FRAS1: variants seen among roughly 807,000 people sequenced by gnomAD.
FRAS1 encodes the protein Fraser extracellular matrix complex subunit 1.
In FRAS1, 290 loss-of-function variants were observed where a neutral mutation model predicts 435.2. The observed-to-expected ratio is 0.67, with a 90% confidence interval of 0.61 to 0.73. The LOEUF (loss-of-function observed/expected upper bound fraction) is 0.73, where lower values mean the gene tolerates loss of function less well. Among genes scored for constraint, FRAS1 ranks in the 30% least tolerant of loss-of-function variants. The pLI is 0.00. For missense variants in FRAS1, 4,860 were observed against 5,001.5 expected (o/e 0.97, Z 0.85); for synonymous variants, 1,800 against 1,851.0 (o/e 0.97, Z 0.71).
chr4:78,493,814 A>T (rs1264714540), intron 59 of FRAS1, among the ~76,000 whole-genome samples: 2 of 152,144 alleles, frequency 1.3e-5, no homozygotes, highest in Non-Finnish European at 2.9e-5. Flanking sequence ...ATAATAATAA[A>T]AAAAAGAAAC....
intron 2 of FRAS1, among the ~76,000 whole-genome samples, chr4:78,184,997 C>G (rs1234953283): frequency 1.3e-5 from 2 of 152,204 alleles, no homozygotes; most frequent in Non-Finnish European, 2.9e-5. Flanking sequence ...TTTCAGCAAA[C>G]AGATGTCATA....
At chr4:78,468,735 C>A (rs1314331066) in intron 50 of FRAS1, among the ~76,000 whole-genome samples, 1 of 152,160 alleles carries the variant, frequency 6.6e-6, no homozygotes, top group East Asian at 1.9e-4. Flanking sequence ...GGAAAAACTT[C>A]AATTCTGGTG....
At chr4:78,383,831 T>C (rs988809160) in intron 27 of FRAS1, among the ~76,000 whole-genome samples, 5 of 152,214 alleles carry the variant, frequency 3.3e-5, no homozygotes, top group African/African-American at 9.6e-5. Flanking sequence ...TACATAATTA[T>C]TATTATTGTT....
chr4:78,525,340 C>T (rs1219003952), intron 69 of FRAS1, among the ~76,000 whole-genome samples: 2 of 152,162 alleles, frequency 1.3e-5, no homozygotes, highest in African/African-American at 4.8e-5. Flanking sequence ...TCCTGCTGAT[C>T]CAAGCTTTGA....
Position 78,472,323 on chromosome 4 carries a change from C to G in FRAS1, c.7515C>G (p.Phe2505Leu). ...AGCCTGGCAGAGCTGCTGCCACTTT[C>G]ACCCAGGGTGGGGACTCTCTGGGAA... ...KLQPGRAAAT[F>L]TQEDVNLGLI... Residue 2505 changes from phenylalanine (F) to leucine (L), a missense_variant, in exon 52 of 74, where the codon TTC becomes TTG. By Grantham distance (22) the Phe-to-Leu change is conservative (BLOSUM62 0). Coordinates refer to ENST00000512123, the MANE Select transcript of FRAS1 (RefSeq NM_025074.7). 1 of 1,606,098 alleles carries G rather than the reference C, an allele frequency of 6.2e-7. No individual in the cohort carries two copies. Among genetic ancestry groups the G allele is most frequent in the South Asian group, 1.1e-5 (1 of 90,106 alleles).
chr4:78,539,381 G>A lies in FRAS1; in HGVS notation c.11386G>A (p.Val3796Met), dbSNP rs1489107640. 3 of 1,612,356 alleles carry A rather than the reference G, an allele frequency of 1.9e-6. No individual in the cohort carries two copies. The highest frequency in any genetic ancestry group is 2.5e-6 in the Non-Finnish European group (3 of 1,179,272). Reference protein sequence around the residue: ...HFASELPDFHVVSNMPGVDGF... With the variant: ...HFASELPDFHMVSNMPGVDGF... ...TGCCTCTGAGTTGCCTGATTTCCAT[G>A]TGGTCAGTAACATGCCAGGTGTGGA... is the stretch of plus-strand genomic sequence containing the variant. Residue 3796 changes from valine (V) to methionine (M), a missense_variant, in exon 73 of 74, where the codon GTG becomes ATG. Val to Met is a conservative substitution (Grantham distance 21). Transcript: ENST00000512123.
chr4:78,324,274 A>T (rs1490413778), intron 18 of FRAS1, among the ~76,000 whole-genome samples: 1 of 152,224 alleles, frequency 6.6e-6, no homozygotes, highest in Non-Finnish European at 1.5e-5. Flanking sequence ...AAAATGAATA[A>T]TTTTTATAGT....
intron 5 of FRAS1, 121 bp downstream of exon 5, chr4:78,252,672 C>A: frequency 1.0e-6 from 1 of 983,980 alleles, no homozygotes; most frequent in South Asian, 1.6e-5. Flanking sequence ...GTTGGCTGGT[C>A]TGAGAAATAG....
Position 78,371,100 on chromosome 4 carries a change from T to C in FRAS1, c.2869+1116T>C, listed in dbSNP as rs746665000. The stretch of plus-strand genomic sequence containing the variant: ...TTTTTTCTGTTTTTTTGTTTTTTTT[T>C]TTTTTTGCCTTCTAACCAGTAGCTG... On this transcript the variant is annotated intron_variant, in intron 23 of 73. Coordinates refer to ENST00000512123, the MANE Select transcript of FRAS1 (RefSeq NM_025074.7). Among the ~76,000 whole-genome samples the C allele has an allele frequency of 9.9e-5, 15 of 151,152 alleles. No homozygotes were observed. In the South Asian group the frequency reaches 2.7e-3, roughly 27 times the overall value.
chr4:78,541,976 A>G lies in FRAS1; in HGVS notation c.*852A>G, dbSNP rs767831357. The G allele has an allele frequency of 3.3e-5, 5 of 152,256 alleles. No homozygotes were observed. Among genetic ancestry groups the G allele is most frequent in the Admixed American group, 1.3e-4 (2 of 15,286 alleles). The allele number at this position is 152,256 out of a possible 1,614,324, so 9.4% of individuals were successfully genotyped here. On this transcript the variant is annotated 3_prime_UTR_variant, in exon 74 of 74. Coordinates refer to ENST00000512123, the MANE Select transcript of FRAS1 (RefSeq NM_025074.7). ...TACGGCCTTTTAATTCAACATTGCC[A>G]TAAATGCTTTAAAGAAAACCCACCA...
chr4:78,266,116 A>G (rs1369788470), intron 7 of FRAS1, among the ~76,000 whole-genome samples: 2 of 152,214 alleles, frequency 1.3e-5, no homozygotes, highest in East Asian at 1.9e-4. Flanking sequence ...AAATGCTAAC[A>G]TTAATTATGT....
At chr4:78,163,741 A>G (rs1213924676) in intron 2 of FRAS1, among the ~76,000 whole-genome samples, 1 of 152,240 alleles carries the variant, frequency 6.6e-6, no homozygotes, top group African/African-American at 2.4e-5. Context: ...AACGTGACAT[A>G]TGACTTCCTT....
intron 2 of FRAS1, among the ~76,000 whole-genome samples, chr4:78,179,823 C>A (rs568484733): frequency 2.6e-5 from 4 of 152,060 alleles, no homozygotes; most frequent in Non-Finnish European, 4.4e-5. Flanking sequence ...TAGGAGCTAC[C>A]CAGGGAAATG....
chr4:78,135,742 G>T (rs930804718), intron 2 of FRAS1, among the ~76,000 whole-genome samples: 2 of 152,124 alleles, frequency 1.3e-5, no homozygotes, highest in Non-Finnish European at 2.9e-5. Flanking sequence ...ACATGGTTGG[G>T]CAGATTGTAC....
chr4:78,374,225 C>T lies in FRAS1; in HGVS notation c.3125C>T (p.Ala1042Val). Residue 1042 changes from alanine to valine, a missense_variant, in exon 25 of 74, where the codon GCA becomes GTA. Ala to Val is a moderately conservative substitution (Grantham distance 64, BLOSUM62 0). Transcript: ENST00000512123. ...CAGGAATGTGGGAAGGGGTACTTTG[C>T]AGATCATGCAAAGCACAAATGCACA... Reference protein sequence around the residue: ...CVQECGKGYFADHAKHKCTAC... With the variant: ...CVQECGKGYFVDHAKHKCTAC... 6.3e-7 allele frequency: 1 copy of T among 1,599,598 alleles called. No homozygotes were observed. The highest frequency in any genetic ancestry group is 8.5e-7 in the Non-Finnish European group (1 of 1,169,958).
chr4:78,485,242 A>G (rs1278834533), intron 58 of FRAS1, among the ~76,000 whole-genome samples: 12 of 152,246 alleles, frequency 7.9e-5, no homozygotes, highest in African/African-American at 2.9e-4. Context: ...AATACCTGGC[A>G]CACAGTAAAT....
chr4:78,410,707 A>G (rs1733298273), intron 31 of FRAS1, among the ~76,000 whole-genome samples: 1 of 152,220 alleles, frequency 6.6e-6, no homozygotes, highest in Non-Finnish European at 1.5e-5. Context: ...AGTGGTGATT[A>G]TTTTGGGTTA....
At chr4:78,362,711 G>A (rs1731121901) in intron 20 of FRAS1, among the ~76,000 whole-genome samples, 1 of 152,204 alleles carries the variant, frequency 6.6e-6, no homozygotes, top group Admixed American at 6.5e-5. Context: ...ATTGAATGAT[G>A]GTGAAAGTGG....
At chr4:78,310,114 T>G in intron 15 of FRAS1, among the ~76,000 whole-genome samples, 1 of 152,190 alleles carries the variant, frequency 6.6e-6, no homozygotes, top group East Asian at 1.9e-4. Flanking sequence ...GGCTTTTGTG[T>G]GGATTCAGGA....
Sources: allele counts gnomAD v4.1 joint callset (sites outside exome capture counted in the v4.1 genomes callset), GRCh38; gene constraint gnomAD v4.1.1; transcripts MANE v1.5; gene names NCBI Gene and HGNC (gene_info 2026-07-23, HGNC 2026-07-21).